GIGYF2: variants seen among roughly 807,000 people sequenced by gnomAD.
GIGYF2 encodes GRB10 interacting GYF protein 2.
GIGYF2 carries 25 observed loss-of-function variants against 208.1 expected under a neutral mutation model. The observed-to-expected ratio is 0.12, with a 90% CI of 0.09 to 0.17. The LOEUF (loss-of-function observed/expected upper bound fraction) is 0.17. Among genes scored for constraint, GIGYF2 ranks in the 10% least tolerant of loss-of-function variants. The probability of loss-of-function intolerance (pLI) is 1.00; values close to 1 mark genes in which losing one functional copy is unlikely to be tolerated. For synonymous variants in GIGYF2, 534 were observed against 543.8 expected (o/e 0.98, Z 0.25); for missense variants, 1,302 against 1,579.4 (o/e 0.82, Z 2.98).
intron 21 of GIGYF2, among the ~76,000 whole-genome samples, chr2:232,821,807 T>C (rs1701088471): frequency 6.6e-6 from 1 of 152,134 alleles, no homozygotes; most frequent in African/African-American, 2.4e-5. Context: ...TTTATAGTTT[T>C]CGTTTTACAA....
intron 28 of GIGYF2, among the ~76,000 whole-genome samples, chr2:232,856,155 G>A (rs957536316): frequency 4.6e-5 from 7 of 151,996 alleles, no homozygotes; most frequent in African/African-American, 9.6e-5. Flanking sequence ...GGATGGTCTC[G>A]ATATCCTGAC....
rs147901980 is a variant in GIGYF2 at position 232,708,461 on chromosome 2, A to G, written c.-44+4972A>G. ...TCCTCTGAAAATTGCAAGGAACTGG[A>G]AAAAAAAAGCAATATTGAGTACCAT... On this transcript the variant is annotated intron_variant, in intron 2 of 28. Transcript: ENST00000373563. Among the ~76,000 whole-genome samples the G allele has an allele frequency of 1.3e-3, 194 of 151,116 alleles. 1 individual carries two copies. Among genetic ancestry groups the G allele is most frequent in the African/African-American group, 4.0e-3 (166 of 41,140 alleles).
At chr2:232,826,297 G>A (rs1424502130) in intron 21 of GIGYF2, among the ~76,000 whole-genome samples, 1 of 152,150 alleles carries the variant, frequency 6.6e-6, no homozygotes, top group Non-Finnish European at 1.5e-5. Context: ...CACAATGGTT[G>A]AACTAATTTA....
intron 22 of GIGYF2, among the ~76,000 whole-genome samples, chr2:232,836,291 T>C (rs1416124599): frequency 1.5e-3 from 15 of 9,678 alleles, no homozygotes; most frequent in Non-Finnish European, 3.1e-3. Context: ...TATATATATA[T>C]ATATATATAT....
chr2:232,797,541 T>C (rs1700261956), intron 14 of GIGYF2, among the ~76,000 whole-genome samples: 3 of 150,062 alleles, frequency 2.0e-5, no homozygotes, highest in African/African-American at 7.5e-5. Context: ...ACCAAATTTA[T>C]TTTGGGATAA....
At chr2:232,851,714 C>T (rs1419248065) in intron 28 of GIGYF2, among the ~76,000 whole-genome samples, 1 of 152,174 alleles carries the variant, frequency 6.6e-6, no homozygotes, top group East Asian at 1.9e-4. Context: ...ACCGCCACGC[C>T]CGGCCCTAAA....
chr2:232,759,483 A>G (rs1349236020), intron 6 of GIGYF2, among the ~76,000 whole-genome samples: 1 of 152,180 alleles, frequency 6.6e-6, no homozygotes, highest in Non-Finnish European at 1.5e-5. Flanking sequence ...ACAATTGGAT[A>G]TATAGCCTTC....
At chr2:232,807,559 T>C (rs1035349055) in intron 15 of GIGYF2, among the ~76,000 whole-genome samples, 2 of 152,194 alleles carry the variant, frequency 1.3e-5, no homozygotes, top group South Asian at 4.1e-4. Flanking sequence ...ATGCTAGTAG[T>C]GATCTTTCTA....
chr2:232,792,182 G>A (rs1324893972), intron 12 of GIGYF2, among the ~76,000 whole-genome samples: 1 of 152,082 alleles, frequency 6.6e-6, no homozygotes, highest in Non-Finnish European at 1.5e-5. Flanking sequence ...TTTAGGTCCT[G>A]AACTGTCTCC....
rs910727802 is a variant in GIGYF2 at position 232,708,126 on chromosome 2, A to T, written c.-44+4637A>T. ...CAGGCATACACCATTGCACATGGCT[A>T]ATTTTTCTATTTTTGTAGAGACTGG... On this transcript the variant is annotated intron_variant, in intron 2 of 28. Transcript: ENST00000373563. Among the ~76,000 whole-genome samples the T allele has an allele frequency of 5.3e-5, 8 of 151,840 alleles. No individual in the cohort carries two copies. In the East Asian group the frequency reaches 1.6e-3, roughly 30 times the overall value.
chr2:232,784,630 G>T (rs1464895890), intron 8 of GIGYF2, among the ~76,000 whole-genome samples: 2 of 152,008 alleles, frequency 1.3e-5, no homozygotes, highest in Non-Finnish European at 2.9e-5. Context: ...GCCCGCCTTA[G>T]CCTCCCAAAG....
Position 232,845,865 on chromosome 2 carries a change from A to C in GIGYF2, c.3439A>C (p.Asn1147His), listed in dbSNP as rs763864843. The change falls in exon 26 of 29, where the codon AAT (asparagine) becomes CAT (histidine). Residue 1147 changes from asparagine to histidine, a missense_variant. This residue lies in a region of GIGYF2 where 701 missense variants were observed against 793.0 expected (regional missense o/e 0.88). Coordinates refer to ENST00000373563, the MANE Select transcript of GIGYF2 (RefSeq NM_001103146.3). ...GTGTGAACAGATGCTTCATGCCCTT[A>C]ATACGGCAAATAACTTGGATGGTAA... ...QWCEQMLHAL[N>H]TANNLDVPTF... 6.2e-7 allele frequency: 1 copy of C among 1,607,158 alleles called. No individual in the cohort carries two copies. The highest frequency in any genetic ancestry group is 1.3e-5 in the African/African-American group (1 of 74,804).
At chr2:232,853,340 C>G (rs1690430740) in intron 28 of GIGYF2, among the ~76,000 whole-genome samples, 1 of 152,114 alleles carries the variant, frequency 6.6e-6, no homozygotes. Context: ...TCCAGTATCT[C>G]CTATCTTCAG....
chr2:232,748,856 A>G (rs965021861), intron 4 of GIGYF2, 131 bp from the exon 5 acceptor site: 7 of 683,322 alleles, frequency 1.0e-5, no homozygotes, highest in Non-Finnish European at 1.3e-5. Flanking sequence ...ATTATGGCTG[A>G]ATAAGCATTA....
Position 232,787,291 on chromosome 2 carries a change from C to T in GIGYF2, c.674C>T (p.Ser225Leu). 6.2e-7 allele frequency: 1 copy of T among 1,613,950 alleles called. No individual in the cohort carries two copies. The highest frequency in any genetic ancestry group is 1.1e-5 in the South Asian group (1 of 91,078). The change falls in exon 9 of 29, where the codon TCA becomes TTA. Residue 225 changes from serine (S) to leucine (L), a missense_variant. Physicochemically the swap from Ser to Leu is moderately radical, Grantham distance 145 (BLOSUM62 -2). Transcript: ENST00000373563. Reference protein sequence around the residue: ...DEDGGWRLAGSRRDGERWRPH... With the variant: ...DEDGGWRLAGLRRDGERWRPH... ...GATGGAGGTTGGCGACTAGCTGGAT[C>T]AAGGAGGGATGGAGAGAGGTGGCGA...
At chr2:232,795,529 T>G (rs1469170127) in intron 13 of GIGYF2, among the ~76,000 whole-genome samples, 3 of 152,208 alleles carry the variant, frequency 2.0e-5, no homozygotes. Context: ...TAATTGAGCC[T>G]TTTGTTCTAT....
intron 3 of GIGYF2, among the ~76,000 whole-genome samples, chr2:232,746,406 T>A (rs920278819): frequency 6.6e-6 from 1 of 152,156 alleles, no homozygotes. Context: ...TTAGCAGTTT[T>A]GGGCACATAT....
chr2:232,711,705 G>GTATATATA (rs55893272), intron 2 of GIGYF2, among the ~76,000 whole-genome samples: 1,915 of 115,682 alleles, frequency 0.017, 74 homozygotes, highest in Middle Eastern at 0.024. Flanking sequence ...TCACAATGAT[G>GTATATATA]TATATATATA....
chr2:232,699,311 C>T (rs1695742663), intron 1 of GIGYF2, among the ~76,000 whole-genome samples: 1 of 152,168 alleles, frequency 6.6e-6, no homozygotes, highest in African/African-American at 2.4e-5. Context: ...TGGAGGCTAG[C>T]CTAGGCTGAG....
Sources: gnomAD v4.1 joint callset for allele counts (sites outside exome capture counted in the v4.1 genomes callset) on GRCh38, gnomAD v4.1.1 for gene constraint, gnomAD v4.1.1 regional missense constraint, MANE v1.5 for transcripts, NCBI Gene and HGNC (gene_info 2026-07-23, HGNC 2026-07-21) for gene names.